The following SORT1 variants were observed in gnomAD, a reference collection of about 807,000 sequenced individuals.
SORT1 encodes the protein sortilin.
A neutral mutation model predicts 101.7 loss-of-function variants in SORT1; 39 were observed. That is an observed-to-expected ratio of 0.38 (90% CI 0.30 to 0.50). The LOEUF (loss-of-function observed/expected upper bound fraction) is 0.50, where lower values mean the gene tolerates loss of function less well. Among genes scored for constraint, SORT1 ranks in the 20% least tolerant of loss-of-function variants. The probability of loss-of-function intolerance (pLI) is 0.90; values close to 1 mark genes in which losing one functional copy is unlikely to be tolerated. For missense variants in SORT1, 878 were observed against 1,040.4 expected, an observed-to-expected ratio of 0.84 and a Z score of 2.15; for synonymous variants, 396 against 393.7, an observed-to-expected ratio of 1.01 and a Z score of -0.07.
At chr1:109,327,457 G>GC (rs1376308617) in intron 12 of SORT1, 42 bp downstream of exon 12, 1 of 1,251,250 alleles carries the variant, frequency 8.0e-7, no homozygotes, top group Non-Finnish European at 1.1e-6. Flanking sequence ...AGTGTGCTCA[G>GC]CCACTGTTCC....
intron 13 of SORT1, among the ~76,000 whole-genome samples, chr1:109,326,250 G>A (rs2101548737): frequency 7.0e-6 from 1 of 143,232 alleles, no homozygotes; most frequent in Admixed American, 7.0e-5. Context: ...ACAGGGTTTT[G>A]TCACATTGCC....
In SORT1 at chr1:109,314,716, G is replaced by T; in HGVS notation, c.2313C>A (p.Val771=). Residue 771 remains valine (V), a synonymous_variant, in exon 18 of 20, where the codon GTC becomes GTA. Transcript: ENST00000256637. ...LAIVGLMLVT[V]VAGVLIVKKY... ...TCTTCACAATGAGCACTCCTGCTAC[G>T]ACTGTGACCAGCATCAATCCCACGA... 3 of 1,610,848 alleles carry T rather than the reference G, an allele frequency of 1.9e-6. No homozygotes were observed. Among genetic ancestry groups the T allele is most frequent in the South Asian group, 1.1e-5 (1 of 90,982 alleles).
chr1:109,344,691 C>A (rs1386878943), intron 8 of SORT1, among the ~76,000 whole-genome samples: 1 of 152,118 alleles, frequency 6.6e-6, no homozygotes, highest in African/African-American at 2.4e-5. Flanking sequence ...GATACACACA[C>A]ACTCACATTT....
chr1:109,342,897 CTTAGA>C (rs905925554), intron 8 of SORT1, among the ~76,000 whole-genome samples: 98 of 152,052 alleles, frequency 6.4e-4, no homozygotes, highest in African/African-American at 2.1e-3. Context: ...TCGGTGTTTC[CTTAGA>C]TTAAATACTC....
chr1:109,324,354 T>A (rs1249323070), intron 14 of SORT1, among the ~76,000 whole-genome samples: 1 of 152,174 alleles, frequency 6.6e-6, no homozygotes, highest in Non-Finnish European at 1.5e-5. Context: ...GCCAGGCTGG[T>A]TTCGAACTCC....
chr1:109,324,269 G>A (rs1007276183), intron 14 of SORT1, among the ~76,000 whole-genome samples: 10 of 151,742 alleles, frequency 6.6e-5, no homozygotes, highest in Admixed American at 1.3e-4. Context: ...GCTGGGACCC[G>A]CCACCTTACA....
At chr1:109,357,235 TGTGA>T (rs1441694563) in intron 3 of SORT1, among the ~76,000 whole-genome samples, 2 of 152,350 alleles carry the variant, frequency 1.3e-5, no homozygotes, top group Non-Finnish European at 2.9e-5. Context: ...ACTGTCCAGG[TGTGA>T]GTAAGTACAC....
chr1:109,381,818 T>C (rs1159781399), intron 1 of SORT1, among the ~76,000 whole-genome samples: 1 of 152,116 alleles, frequency 6.6e-6, no homozygotes, highest in Non-Finnish European at 1.5e-5. Flanking sequence ...CAGCCATGAT[T>C]GTGCCACTGC....
rs189767233 is a variant in SORT1 at position 109,363,663 on chromosome 1, G to A, written c.440+3745C>T. The stretch of plus-strand genomic sequence containing the variant: ...CTGTAATACACAGAGCAGGTGGCAT[G>A]TGATTTGCTGTTTTTTATTTCAAAT... On this transcript the variant is annotated intron_variant, in intron 3 of 19. Coordinates refer to ENST00000256637, the MANE Select transcript of SORT1 (RefSeq NM_002959.7). 1.2e-4 allele frequency among the ~76,000 whole-genome samples: 18 copies of A among 152,298 alleles called. No individual in the cohort carries two copies. The East Asian group carries it at 3.3e-3, about 28-fold the overall frequency.
intron 3 of SORT1, among the ~76,000 whole-genome samples, chr1:109,357,945 A>T (rs1650442895): frequency 6.6e-6 from 1 of 152,220 alleles, no homozygotes; most frequent in Non-Finnish European, 1.5e-5. Flanking sequence ...ATGTATCATC[A>T]ACAGCTCTGT....
At chr1:109,385,887 T>C (rs1238907406) in intron 1 of SORT1, among the ~76,000 whole-genome samples, 4 of 152,354 alleles carry the variant, frequency 2.6e-5, no homozygotes, top group South Asian at 2.1e-4. Flanking sequence ...TATAATTATA[T>C]ATCATTTAGT....
At chr1:109,372,573 A>G (rs1399014733) in intron 1 of SORT1, among the ~76,000 whole-genome samples, 2 of 152,162 alleles carry the variant, frequency 1.3e-5, no homozygotes, top group Non-Finnish European at 2.9e-5. Context: ...CAGGGATCAC[A>G]TTTACCTTTC....
intron 8 of SORT1, among the ~76,000 whole-genome samples, chr1:109,342,514 A>T (rs1216823500): frequency 6.6e-6 from 1 of 152,184 alleles, no homozygotes; most frequent in Admixed American, 6.5e-5. Context: ...ATTTGCATAC[A>T]CTCAGGTAAT....
intron 14 of SORT1, among the ~76,000 whole-genome samples, chr1:109,324,045 G>C (rs1476740424): frequency 1.3e-5 from 2 of 152,230 alleles, no homozygotes; most frequent in East Asian, 1.9e-4. Context: ...AATTCAACTA[G>C]AGTGTCTAGA....
Position 109,314,486 on chromosome 1 carries a change from C to A in SORT1, c.2358-102G>T. 3 of 1,400,346 alleles carry A rather than the reference C, an allele frequency of 2.1e-6. No individual in the cohort carries two copies. The South Asian group carries it at 4.0e-5, about 19-fold the overall frequency. 86.7% of individuals were successfully genotyped at this position (1,400,346 alleles called of 1,614,324 possible). On this transcript the variant is annotated intron_variant, in intron 18 of 19. Coordinates refer to ENST00000256637, the MANE Select transcript of SORT1 (RefSeq NM_002959.7). ...GTTTTATACACTCAGGAACGCATCA[C>A]AGACACAGAAAGCACAGTCCATGGT...
At chr1:109,369,645 G>A in intron 1 of SORT1, 56 bp from the exon 2 acceptor site, 1 of 1,144,124 alleles carries the variant, frequency 8.7e-7, no homozygotes, top group Non-Finnish European at 1.3e-6. Context: ...TTCAATCTTT[G>A]GCTTCTTTAA....
intron 5 of SORT1, among the ~76,000 whole-genome samples, chr1:109,351,965 G>GGTGTGTGTGTGTGTGTGTGTGTGTGTGT (rs10540637): frequency 3.4e-5 from 5 of 147,412 alleles, no homozygotes; most frequent in African/African-American, 1.3e-4. Flanking sequence ...GAGAGGTAGG[G>GGTGTGTGTGTGTGTGTGTGTGTGTGTGT]GTGTGTGTGT....
intron 3 of SORT1, among the ~76,000 whole-genome samples, chr1:109,362,181 T>C (rs935900691): frequency 6.6e-6 from 1 of 152,154 alleles, no homozygotes; most frequent in Non-Finnish European, 1.5e-5. Context: ...AAATAAGGTA[T>C]CTTTAAACAG....
chr1:109,338,126 A>AT (rs1389590377), intron 10 of SORT1, among the ~76,000 whole-genome samples: 2 of 152,188 alleles, frequency 1.3e-5, no homozygotes, highest in African/African-American at 2.4e-5. Context: ...GGCGAGGGCA[A>AT]ACTGGAATTT....
Sources: gnomAD v4.1 joint callset for allele counts (sites outside exome capture counted in the v4.1 genomes callset) on GRCh38, gnomAD v4.1.1 for gene constraint, MANE v1.5 for transcripts, NCBI Gene and HGNC (gene_info 2026-07-23, HGNC 2026-07-21) for gene names.